The following ITGA9 variants were observed in gnomAD, a reference collection of about 807,000 sequenced individuals.
ITGA9 encodes the protein integrin subunit alpha 9.
ITGA9 carries 56 observed loss-of-function variants against 127.8 expected under a neutral mutation model. The observed-to-expected ratio is 0.44, with a 90% CI of 0.35 to 0.55. The LOEUF (loss-of-function observed/expected upper bound fraction) is 0.55, where lower values mean the gene tolerates loss of function less well. ITGA9 is among the 20% of genes least tolerant of loss of function. The probability of loss-of-function intolerance (pLI) is 0.00; values close to 1 mark genes in which losing one functional copy is unlikely to be tolerated. For synonymous variants in ITGA9, 508 were observed against 514.5 expected (o/e 0.99, Z 0.17); for missense variants, 1,196 against 1,347.1 (o/e 0.89, Z 1.76).
intron 5 of ITGA9, among the ~76,000 whole-genome samples, chr3:37,495,141 C>A (rs567496273): frequency 6.6e-6 from 1 of 152,064 alleles, no homozygotes; most frequent in Admixed American, 6.5e-5. Context: ...TTAGTAGAGA[C>A]GGGGTTTCGC....
intron 15 of ITGA9, among the ~76,000 whole-genome samples, chr3:37,543,765 C>G: frequency 6.6e-6 from 1 of 152,268 alleles, no homozygotes; most frequent in African/African-American, 2.4e-5. Flanking sequence ...TAGAGAGATG[C>G]CCCACACACC....
At chr3:37,514,773 A>G (rs1435317955) in intron 9 of ITGA9, among the ~76,000 whole-genome samples, 5 of 152,100 alleles carry the variant, frequency 3.3e-5, no homozygotes, top group African/African-American at 2.4e-5. Flanking sequence ...GGGTTTCACC[A>G]TGTTGGCCAG....
At chr3:37,632,040 C>T (rs74393906) in intron 16 of ITGA9, among the ~76,000 whole-genome samples, 4,673 of 152,270 alleles carry the variant, frequency 0.031, 94 homozygotes, top group Non-Finnish European at 0.047. Context: ...CTACTCAGTC[C>T]TTTTACCTTA....
chr3:37,483,357 G>A (rs1376380151), intron 4 of ITGA9, among the ~76,000 whole-genome samples: 1 of 152,184 alleles, frequency 6.6e-6, no homozygotes, highest in Non-Finnish European at 1.5e-5. Flanking sequence ...GTAGGCCAGT[G>A]TTGATCTGAG....
chr3:37,506,907 G>T (rs750061529), intron 7 of ITGA9, among the ~76,000 whole-genome samples: 48 of 152,182 alleles, frequency 3.2e-4, no homozygotes, highest in Admixed American at 5.9e-4. Context: ...TTGGAGAAGT[G>T]GAATCTGGAT....
chr3:37,469,565 C>A (rs990527068), intron 1 of ITGA9, among the ~76,000 whole-genome samples: 1 of 152,166 alleles, frequency 6.6e-6, no homozygotes, highest in Non-Finnish European at 1.5e-5. Context: ...CCCAGCAATT[C>A]CCCTCCCTAA....
intron 25 of ITGA9, among the ~76,000 whole-genome samples, chr3:37,782,125 G>A (rs9851730): frequency 8.3e-4 from 127 of 152,334 alleles, no homozygotes; most frequent in African/African-American, 2.8e-3. Flanking sequence ...AAATGTGTCC[G>A]CAGGCCAGGC....
intron 15 of ITGA9, chr3:37,573,151 G>A (rs1699619303): frequency 6.6e-6 from 1 of 152,038 alleles, no homozygotes; most frequent in African/African-American, 2.4e-5. Context: ...GAGGAATAGG[G>A]GAGACTTTTC....
chr3:37,491,791 A>G (rs1303541232), intron 4 of ITGA9, among the ~76,000 whole-genome samples: 4 of 152,226 alleles, frequency 2.6e-5, no homozygotes, highest in Non-Finnish European at 5.9e-5. Flanking sequence ...CCCTATGTAC[A>G]TACTCTTTGG....
intron 6 of ITGA9, 76 bp downstream of exon 6, chr3:37,503,383 C>T (rs2125570299): frequency 6.5e-7 from 1 of 1,544,118 alleles, no homozygotes; most frequent in South Asian, 1.1e-5. Context: ...ATTATTGCTT[C>T]ATTGTTGGAA....
intron 15 of ITGA9, among the ~76,000 whole-genome samples, chr3:37,561,602 T>C (rs561694052): frequency 6.6e-6 from 1 of 152,216 alleles, no homozygotes; most frequent in Non-Finnish European, 1.5e-5. Flanking sequence ...TCCATTAGCA[T>C]GGTGATGACG....
chr3:37,764,048 G>A (rs1049401746), intron 23 of ITGA9, among the ~76,000 whole-genome samples: 1 of 152,102 alleles, frequency 6.6e-6, no homozygotes, highest in African/African-American at 2.4e-5. Flanking sequence ...AGTTCTCTTT[G>A]TTAAGCCATT....
intron 16 of ITGA9, among the ~76,000 whole-genome samples, chr3:37,645,557 C>G (rs184645771): frequency 6.6e-6 from 1 of 151,618 alleles, no homozygotes; most frequent in African/African-American, 2.4e-5. Flanking sequence ...GAACAAGACT[C>G]ATCTCAAAAA....
At chr3:37,609,081 A>G (rs1406915496) in intron 15 of ITGA9, among the ~76,000 whole-genome samples, 1 of 152,142 alleles carries the variant, frequency 6.6e-6, no homozygotes, top group Non-Finnish European at 1.5e-5. Flanking sequence ...CTTCATGAGA[A>G]TCACACCATT....
At position 37,653,752 on chromosome 3, in the gene ITGA9, C is replaced by G. The variant is rs370220124; in HGVS notation, c.1878C>G (p.Ala626=). ...FERNCRSEDC[A]ADLQLQGKLL... ...GGAATTGCCGTTCAGAGGACTGTGC[C>G]GCAGACCTGCAGCTTCAGGGTAAAC... is the stretch of plus-strand genomic sequence containing the variant. The change falls in exon 17 of 28, where the codon GCC becomes GCG. Residue 626 remains alanine (A), a synonymous_variant. Transcript: ENST00000264741. 1.2e-6 allele frequency: 2 copies of G among 1,613,760 alleles called. No individual in the cohort carries two copies. The highest frequency in any genetic ancestry group is 3.3e-5 in the Admixed American group (2 of 59,982).
chr3:37,582,770 G>A (rs1457434104), intron 15 of ITGA9, among the ~76,000 whole-genome samples: 1 of 152,148 alleles, frequency 6.6e-6, no homozygotes, highest in Admixed American at 6.5e-5. Flanking sequence ...GACCCTCTTT[G>A]TCCCATTTCT....
chr3:37,548,443 A>G (rs1054800239), intron 15 of ITGA9, among the ~76,000 whole-genome samples: 1 of 152,226 alleles, frequency 6.6e-6, no homozygotes, highest in Admixed American at 6.5e-5. Context: ...AGTGAATGTT[A>G]TGTATGTAAA....
At chr3:37,586,107 T>C (rs1155744) in intron 15 of ITGA9, among the ~76,000 whole-genome samples, 97,327 of 152,044 alleles carry the variant, frequency 0.64, 31,492 homozygotes, top group East Asian at 0.74. Context: ...ACATATATTC[T>C]TTCTGAGCTT....
intron 17 of ITGA9, among the ~76,000 whole-genome samples, chr3:37,669,131 C>G (rs762327025): frequency 5.9e-5 from 9 of 152,292 alleles, no homozygotes; most frequent in Non-Finnish European, 1.0e-4. Flanking sequence ...TGATCTTGAT[C>G]CAAAAATGAC....
Sources: allele counts gnomAD v4.1 joint callset (sites outside exome capture counted in the v4.1 genomes callset), GRCh38; gene constraint gnomAD v4.1.1; transcripts MANE v1.5; gene names NCBI Gene and HGNC (gene_info 2026-07-23, HGNC 2026-07-21).